Variants in PRKD1 observed in about 807,000 individuals in gnomAD.
PRKD1 encodes serine/threonine-protein kinase D1.
In PRKD1, 63 loss-of-function variants were observed where a neutral mutation model predicts 95.9. That is an observed-to-expected ratio of 0.66 (90% confidence interval 0.54 to 0.81). PRKD1 has a LOEUF of 0.81. Among genes scored for constraint, PRKD1 ranks in the 30% least tolerant of loss-of-function variants. The pLI, the probability that PRKD1 is intolerant of heterozygous loss-of-function variation, is 0.00. For missense variants in PRKD1, 1,048 were observed against 1,165.3 expected (o/e 0.90, Z 1.47); for synonymous variants, 425 against 423.1 (o/e 1.00, Z -0.05).
At chr14:29,774,828 G>A (rs1888664864) in intron 1 of PRKD1, among the ~76,000 whole-genome samples, 1 of 152,140 alleles carries the variant, frequency 6.6e-6, no homozygotes, top group East Asian at 1.9e-4. Flanking sequence ...CAAACAGTTA[G>A]GAGATACTAA....
intron 3 of PRKD1, among the ~76,000 whole-genome samples, chr14:29,664,859 G>A (rs148662777): frequency 8.5e-5 from 13 of 152,292 alleles, no homozygotes; most frequent in African/African-American, 2.9e-4. Context: ...GTTCCAGCTC[G>A]CGACTCAACA....
chr14:29,690,099 G>A (rs1453248659), intron 2 of PRKD1, among the ~76,000 whole-genome samples: 2 of 152,112 alleles, frequency 1.3e-5, no homozygotes, highest in African/African-American at 2.4e-5. Context: ...TGCACATGCT[G>A]CACATGTATC....
chr14:29,628,201 CT>C (rs2139102748), intron 11 of PRKD1, among the ~76,000 whole-genome samples: 1 of 152,276 alleles, frequency 6.6e-6, no homozygotes, highest in African/African-American at 2.4e-5. Context: ...TGGCTGTTTA[CT>C]TTATGCCACT....
intron 1 of PRKD1, among the ~76,000 whole-genome samples, chr14:29,903,681 T>C (rs1894398543): frequency 6.6e-6 from 1 of 151,982 alleles, no homozygotes; most frequent in Non-Finnish European, 1.5e-5. Context: ...ACCTTTAAAA[T>C]AATCTGAGGA....
At chr14:29,852,544 G>C (rs1171480331) in intron 1 of PRKD1, among the ~76,000 whole-genome samples, 3 of 151,702 alleles carry the variant, frequency 2.0e-5, no homozygotes, top group Admixed American at 1.3e-4. Flanking sequence ...AGGAGAGAGA[G>C]AGAGAGAGAG....
chr14:29,902,728 T>C (rs917022381), intron 1 of PRKD1, among the ~76,000 whole-genome samples: 3 of 152,236 alleles, frequency 2.0e-5, no homozygotes, highest in Non-Finnish European at 2.9e-5. Context: ...GAACCTGGCT[T>C]TCCAATCATT....
intron 12 of PRKD1, among the ~76,000 whole-genome samples, chr14:29,625,137 C>T (rs988091171): frequency 6.6e-6 from 1 of 152,190 alleles, no homozygotes; most frequent in Non-Finnish European, 1.5e-5. Flanking sequence ...TCTCACTATT[C>T]CTTCTCTTTC....
intron 1 of PRKD1, among the ~76,000 whole-genome samples, chr14:29,809,097 C>T (rs912298232): frequency 1.3e-5 from 2 of 152,304 alleles, no homozygotes; most frequent in East Asian, 3.9e-4. Flanking sequence ...TCTTGGGTGA[C>T]CAGGTGCATT....
At chr14:29,686,848 C>T (rs767057787) in intron 2 of PRKD1, among the ~76,000 whole-genome samples, 1 of 152,186 alleles carries the variant, frequency 6.6e-6, no homozygotes, top group African/African-American at 2.4e-5. Flanking sequence ...ATTTTCATTG[C>T]CGTTCTCGCT....
At chr14:29,680,142 C>T (rs1053664603) in intron 2 of PRKD1, among the ~76,000 whole-genome samples, 19 of 152,014 alleles carry the variant, frequency 1.2e-4, no homozygotes, top group Admixed American at 5.2e-4. Context: ...ATAACATAGT[C>T]GGAAGTCTTT....
chr14:29,872,401 G>A (rs1377115793), intron 1 of PRKD1, among the ~76,000 whole-genome samples: 7 of 151,840 alleles, frequency 4.6e-5, no homozygotes, highest in African/African-American at 7.3e-5. Context: ...GGTGGCTCAC[G>A]CCTGTAATCC....
intron 2 of PRKD1, among the ~76,000 whole-genome samples, chr14:29,674,143 A>G (rs1883022566): frequency 6.6e-6 from 1 of 152,166 alleles, no homozygotes; most frequent in African/African-American, 2.4e-5. Flanking sequence ...CACAGTTATT[A>G]TTAATAATAA....
chr14:29,582,556 G>A (rs1892787650), intron 16 of PRKD1, among the ~76,000 whole-genome samples: 1 of 152,122 alleles, frequency 6.6e-6, no homozygotes, highest in African/African-American at 2.4e-5. Flanking sequence ...TCTCATAGCT[G>A]CTATTGAGTG....
intron 1 of PRKD1, among the ~76,000 whole-genome samples, chr14:29,771,641 G>C (rs1888512187): frequency 6.6e-6 from 1 of 152,166 alleles, no homozygotes; most frequent in African/African-American, 2.4e-5. Flanking sequence ...AGCCATGGGA[G>C]TACAGGCACC....
rs755303564 is a variant in PRKD1, at chr14:29,638,480, T to C, written c.985+9A>G. 6 of 1,613,474 alleles carry C rather than the reference T, an allele frequency of 3.7e-6. No individual in the cohort carries two copies. The highest frequency in any genetic ancestry group is 2.2e-5 in the South Asian group (2 of 91,068). The stretch of plus-strand genomic sequence containing the variant: ...GAAGCACAGACATGACAGCTGATCT[T>C]TTACCTACCTCCATTAATGGTCACT... On this transcript the variant is annotated intron_variant, in intron 6 of 17. Transcript: ENST00000331968.
intron 1 of PRKD1, among the ~76,000 whole-genome samples, chr14:29,756,509 A>C (rs1382223556): frequency 2.0e-5 from 3 of 152,212 alleles, no homozygotes; most frequent in Non-Finnish European, 2.9e-5. Flanking sequence ...ATGTGTAAAA[A>C]AACACTAATG....
rs1891210802 is a variant in PRKD1, at chr14:29,826,850, T to TATACAC, written c.264+100398_264+100399insGTGTAT. 2.3e-5 allele frequency among the ~76,000 whole-genome samples: 2 copies of TATACAC among 87,690 alleles called. 1 individual carries two copies. The highest frequency in any genetic ancestry group is 4.4e-5 in the Non-Finnish European group (2 of 45,720). 57.5% of individuals were successfully genotyped at this position (87,690 alleles called of 152,430 possible). A position where few individuals can be genotyped will look rare whatever the true frequency, so the allele number is the denominator to read the frequency against. ...ATATATATATATATACACACATATA[T>TATACAC]ATATATATATATATATATATATATA... is the stretch of plus-strand genomic sequence containing the variant. On this transcript the variant is annotated intron_variant, in intron 1 of 17. Coordinates refer to ENST00000331968, the MANE Select transcript of PRKD1 (RefSeq NM_002742.3).
At chr14:29,806,754 G>A (rs1158452906) in intron 1 of PRKD1, among the ~76,000 whole-genome samples, 1 of 152,162 alleles carries the variant, frequency 6.6e-6, no homozygotes, top group African/African-American at 2.4e-5. Context: ...CATCAGATTT[G>A]TAAATGTATT....
At chr14:29,809,600 CAA>C (rs1425001501) in intron 1 of PRKD1, among the ~76,000 whole-genome samples, 1 of 152,206 alleles carries the variant, frequency 6.6e-6, no homozygotes, top group Non-Finnish European at 1.5e-5. Context: ...CCTTATGAAA[CAA>C]ACTCTGTTAG....
Sources: allele counts gnomAD v4.1 joint callset (sites outside exome capture counted in the v4.1 genomes callset), GRCh38; gene constraint gnomAD v4.1.1; transcripts MANE v1.5; gene names NCBI Gene and HGNC (gene_info 2026-07-23, HGNC 2026-07-21).